EPAS1: variants seen among roughly 807,000 people sequenced by gnomAD.
EPAS1 encodes endothelial PAS domain-containing protein 1.
EPAS1 carries 23 observed loss-of-function variants against 87.9 expected under a neutral mutation model. The observed-to-expected ratio is 0.26, with a 90% CI of 0.19 to 0.37. The LOEUF is 0.37. Among genes scored for constraint, EPAS1 ranks in the 10% least tolerant of loss-of-function variants. The pLI, the probability that EPAS1 is intolerant of heterozygous loss-of-function variation, is 1.00. For synonymous variants in EPAS1, 508 were observed against 444.3 expected (o/e 1.14, Z -1.80); for missense variants, 1,138 against 1,120.7 (o/e 1.02, Z -0.22).
chr2:46,302,973 T>C (rs1558580398), intron 1 of EPAS1, among the ~76,000 whole-genome samples: 1 of 152,128 alleles, frequency 6.6e-6, no homozygotes, highest in Non-Finnish European at 1.5e-5. Flanking sequence ...CTCAAGAGGC[T>C]GAGGCAGGAG....
intron 12 of EPAS1, 115 bp from the exon 13 acceptor site, chr2:46,381,481 T>G: frequency 6.5e-7 from 1 of 1,548,488 alleles, no homozygotes; most frequent in Non-Finnish European, 8.9e-7. Flanking sequence ...GCCTTTTGGG[T>G]CTTTGAGTCA....
intron 1 of EPAS1, among the ~76,000 whole-genome samples, chr2:46,317,473 C>T (rs772106226): frequency 7.9e-5 from 12 of 152,172 alleles, no homozygotes; most frequent in Admixed American, 1.3e-4. Context: ...GCATTGACAA[C>T]GAGCACATAA....
chr2:46,346,016 A>G lies in EPAS1; in HGVS notation c.27-857A>G, dbSNP rs1684016512. On this transcript the variant is annotated intron_variant, in intron 1 of 15. Transcript: ENST00000263734. The surrounding 1 kb of genome is among the most constrained non-coding windows in gnomAD (Gnocchi z 4.0). ...GTTTAAATGATTTATTTACAGAGCT[A>G]ACAAGCAGAGAAGTTAGAACTCCAA... Among the ~76,000 whole-genome samples, 1 of 152,246 alleles carries G rather than the reference A, an allele frequency of 6.6e-6. No homozygotes were observed. Among genetic ancestry groups the G allele is most frequent in the East Asian group, 1.9e-4 (1 of 5,204 alleles).
At chr2:46,305,968 G>A (rs1304384877) in intron 1 of EPAS1, among the ~76,000 whole-genome samples, 2 of 152,200 alleles carry the variant, frequency 1.3e-5, no homozygotes, top group African/African-American at 4.8e-5. Flanking sequence ...AACGGGTTGA[G>A]TGTTTTGGTC....
chr2:46,307,952 A>T (rs994295149), intron 1 of EPAS1, among the ~76,000 whole-genome samples: 2 of 152,176 alleles, frequency 1.3e-5, no homozygotes, highest in African/African-American at 4.8e-5. Flanking sequence ...CTCAGTAAAG[A>T]CATGGGTCCT....
chr2:46,372,872 G>A (rs1320716870), intron 7 of EPAS1, among the ~76,000 whole-genome samples: 1 of 152,244 alleles, frequency 6.6e-6, no homozygotes, highest in Non-Finnish European at 1.5e-5. Flanking sequence ...TTGAAATTGT[G>A]CAAGAATCAT....
intron 1 of EPAS1, among the ~76,000 whole-genome samples, chr2:46,334,260 C>A (rs993198494): frequency 6.6e-6 from 1 of 152,180 alleles, no homozygotes; most frequent in African/African-American, 2.4e-5. Flanking sequence ...GGCAATTATC[C>A]GGGCATCTGA....
intron 1 of EPAS1, among the ~76,000 whole-genome samples, chr2:46,308,326 A>G (rs1429772318): frequency 1.3e-5 from 2 of 152,174 alleles, no homozygotes; most frequent in African/African-American, 2.4e-5. Context: ...GTTGTTTGCC[A>G]AAGAGCCTGC....
In EPAS1 at chr2:46,318,163, G is replaced by C. The variant is rs140871525; in HGVS notation, c.26+20226G>C. On this transcript the variant is annotated intron_variant, in intron 1 of 15. Transcript: ENST00000263734. ...GTGTCTCAGGGAATAGGAAGGATTG[G>C]GGAGGGGGAGAGAGAGATACACACA... Among the ~76,000 whole-genome samples, 144 of 127,430 alleles carry C rather than the reference G, an allele frequency of 1.1e-3. No individual in the cohort carries two copies. The South Asian group carries it at 0.012, about 11-fold the overall frequency. The allele number at this position is 127,430 out of a possible 152,430, so 83.6% of individuals were successfully genotyped here.
chr2:46,322,478 A>G (rs531499597), intron 1 of EPAS1, among the ~76,000 whole-genome samples: 10 of 152,140 alleles, frequency 6.6e-5, no homozygotes, highest in Admixed American at 1.3e-4. Flanking sequence ...TAAAACTCAG[A>G]TTACTGGACC....
In EPAS1 at chr2:46,297,797, C is replaced by A; in HGVS notation, c.-115C>A. On this transcript the variant is annotated 5_prime_UTR_variant, in exon 1 of 16. Coordinates refer to ENST00000263734, the MANE Select transcript of EPAS1 (RefSeq NM_001430.5). ...GCGGGGCGCTCGGGACCTGCGCGCACCTCGGACCTTCACCACCCGCCCGGG... is the reference window on the plus strand; with the variant it reads ...GCGGGGCGCTCGGGACCTGCGCGCAACTCGGACCTTCACCACCCGCCCGGG... The A allele has an allele frequency of 6.9e-7, 1 of 1,442,590 alleles. No individual in the cohort carries two copies. Among genetic ancestry groups the A allele is most frequent in the East Asian group, 2.5e-5 (1 of 40,008 alleles). 89.4% of individuals were successfully genotyped at this position (1,442,590 alleles called of 1,614,324 possible).
At chr2:46,309,258 A>T (rs72795674) in intron 1 of EPAS1, among the ~76,000 whole-genome samples, 2,213 of 152,012 alleles carry the variant, frequency 0.015, 26 homozygotes, top group Middle Eastern at 0.054. Context: ...GTAGATGTTT[A>T]TAGGTTCCCT....
chr2:46,380,525 C>T lies in EPAS1; in HGVS notation c.1853C>T (p.Pro618Leu). Residue 618 changes from proline to leucine, a missense_variant, in exon 12 of 16, where the codon CCA (proline) becomes CTA (leucine). Pro to Leu is a moderately conservative substitution (Grantham distance 98). Coordinates refer to ENST00000263734, the MANE Select transcript of EPAS1 (RefSeq NM_001430.5). The surrounding 1 kb of genome is among the most constrained non-coding windows in gnomAD (Gnocchi z 4.4). ...GATGCCGGAAGCAAAGCATCCCTGC[C>T]ACCGTGCTGTGGCCAGGCCAGCACC... ...FFDAGSKASL[P>L]PCCGQASTPL... 1 of 1,614,208 alleles carries T rather than the reference C, an allele frequency of 6.2e-7. No homozygotes were observed. Among genetic ancestry groups the T allele is most frequent in the Middle Eastern group, 1.6e-4 (1 of 6,062 alleles).
intron 9 of EPAS1, 134 bp from the exon 10 acceptor site, chr2:46,377,760 G>A: frequency 6.9e-7 from 1 of 1,443,688 alleles, no homozygotes; most frequent in Non-Finnish European, 9.5e-7. Context: ...GAGCCCCAGG[G>A]TGTTGGGGGG....
chr2:46,368,208 C>T (rs1009782634), intron 6 of EPAS1, among the ~76,000 whole-genome samples: 6 of 152,260 alleles, frequency 3.9e-5, no homozygotes, highest in South Asian at 2.1e-4. Flanking sequence ...TAGGACTTCA[C>T]GAGAGACGTT....
chr2:46,304,617 A>G (rs916395828), intron 1 of EPAS1, among the ~76,000 whole-genome samples: 2 of 152,226 alleles, frequency 1.3e-5, no homozygotes, highest in East Asian at 3.9e-4. Context: ...CTTATTTTTC[A>G]TGGGTTTTCC....
chr2:46,313,234 T>G (rs965283917), intron 1 of EPAS1, among the ~76,000 whole-genome samples: 3 of 152,212 alleles, frequency 2.0e-5, no homozygotes, highest in Non-Finnish European at 4.4e-5. Flanking sequence ...CTCTGGCCTC[T>G]GATCCTTCAT....
chr2:46,386,530 C>A lies in EPAS1; in HGVS notation c.*1870C>A, dbSNP rs990510542. ...TTACCCTTGCAGTTTTACTAAAACA[C>A]TGAAAAATATTCCAAGCTTCATATT... On this transcript the variant is annotated 3_prime_UTR_variant, in exon 16 of 16. Coordinates refer to ENST00000263734, the MANE Select transcript of EPAS1 (RefSeq NM_001430.5). The A allele has an allele frequency of 1.3e-5, 2 of 152,606 alleles. No homozygotes were observed. The highest frequency in any genetic ancestry group is 4.8e-5 in the African/African-American group (2 of 41,444). The allele number at this position is 152,606 out of a possible 1,614,324, so 9.5% of individuals were successfully genotyped here. A position where few individuals can be genotyped will look rare whatever the true frequency, so the allele number is the denominator to read the frequency against.
At chr2:46,361,489 G>A (rs751793446) in intron 6 of EPAS1, among the ~76,000 whole-genome samples, 1 of 152,148 alleles carries the variant, frequency 6.6e-6, no homozygotes, top group Non-Finnish European at 1.5e-5. Flanking sequence ...CTTCTGCCCT[G>A]GAGACTGACC....
Sources: gnomAD v4.1 joint callset for allele counts (sites outside exome capture counted in the v4.1 genomes callset) on GRCh38, gnomAD v4.1.1 for gene constraint, Gnocchi (gnomAD v3.1) non-coding constraint, MANE v1.5 for transcripts, NCBI Gene and HGNC (gene_info 2026-07-23, HGNC 2026-07-21) for gene names.